TRUB1: variants seen among roughly 807,000 people sequenced by gnomAD.
TRUB1 encodes pseudouridylate synthase TRUB1.
A neutral mutation model predicts 33.9 loss-of-function variants in TRUB1; 23 were observed. That is an observed-to-expected ratio of 0.68 (90% CI 0.49 to 0.96). The LOEUF (loss-of-function observed/expected upper bound fraction) is 0.96, where lower values mean the gene tolerates loss of function less well. Ranked by LOEUF, TRUB1 falls within the 40% of genes least tolerant of loss-of-function variation. The pLI is 0.00. For synonymous variants in TRUB1, 163 were observed against 165.4 expected, an observed-to-expected ratio of 0.99 and a Z score of 0.11; for missense variants, 378 against 422.2, an observed-to-expected ratio of 0.90 and a Z score of 0.92.
chr10:114,959,096 A>G (rs1392215528), intron 3 of TRUB1, among the ~76,000 whole-genome samples: 2 of 152,218 alleles, frequency 1.3e-5, no homozygotes, highest in Non-Finnish European at 1.5e-5. Context: ...AGATCGCACC[A>G]CTGCACTGCA....
At chr10:114,968,179 C>G (rs1399816355) in intron 4 of TRUB1, among the ~76,000 whole-genome samples, 1 of 152,074 alleles carries the variant, frequency 6.6e-6, no homozygotes, top group Non-Finnish European at 1.5e-5. Context: ...GAGTGAACAG[C>G]ACAAACCACG....
chr10:114,952,839 A>G (rs977254716), intron 3 of TRUB1, among the ~76,000 whole-genome samples: 1 of 152,184 alleles, frequency 6.6e-6, no homozygotes, highest in Non-Finnish European at 1.5e-5. Context: ...GGTTTTTGCC[A>G]GTTGTTTAAT....
At chr10:114,948,720 A>T (rs773673626) in intron 2 of TRUB1, among the ~76,000 whole-genome samples, 1 of 152,150 alleles carries the variant, frequency 6.6e-6, no homozygotes, top group African/African-American at 2.4e-5. Flanking sequence ...TAACTCTAAG[A>T]TGGCTTCTTT....
intron 3 of TRUB1, among the ~76,000 whole-genome samples, chr10:114,959,525 G>T (rs1421378533): frequency 6.6e-6 from 1 of 152,148 alleles, no homozygotes; most frequent in African/African-American, 2.4e-5. Context: ...ATATTGGCTA[G>T]TGTGAGACGT....
chr10:114,968,009 T>C (rs1350355361), intron 4 of TRUB1, among the ~76,000 whole-genome samples: 2 of 152,196 alleles, frequency 1.3e-5, no homozygotes, highest in Non-Finnish European at 1.5e-5. Flanking sequence ...GCCATTTTAA[T>C]AGTGTATGTT....
chr10:114,945,075 T>G (rs894822226), intron 2 of TRUB1, among the ~76,000 whole-genome samples: 4 of 152,236 alleles, frequency 2.6e-5, no homozygotes, highest in Non-Finnish European at 4.4e-5. Context: ...TAATTCTCAT[T>G]GTAACCTATA....
intron 5 of TRUB1, 117 bp from the exon 6 acceptor site, chr10:114,972,018 C>A: frequency 8.7e-7 from 1 of 1,149,306 alleles, no homozygotes; most frequent in Non-Finnish European, 1.2e-6. Context: ...TTGTGAAGCA[C>A]TGCCAGTCAT....
intron 1 of TRUB1, among the ~76,000 whole-genome samples, chr10:114,940,912 G>A (rs1299061079): frequency 1.3e-5 from 2 of 152,152 alleles, no homozygotes; most frequent in East Asian, 3.9e-4. Context: ...TCTAAGTATG[G>A]TGATGTCATA....
At chr10:114,951,762 C>G (rs1296494484) in intron 3 of TRUB1, among the ~76,000 whole-genome samples, 1 of 152,058 alleles carries the variant, frequency 6.6e-6, no homozygotes, top group African/African-American at 2.4e-5. Flanking sequence ...TATCTGTATC[C>G]TAATGAGTAA....
intron 1 of TRUB1, among the ~76,000 whole-genome samples, chr10:114,939,821 CTTTTCT>C (rs1564696404): frequency 1.9e-5 from 2 of 103,480 alleles, no homozygotes; most frequent in African/African-American, 4.4e-5. Flanking sequence ...CTCTGGGTTT[CTTTTCT>C]TTTTTTTTTT....
chr10:114,960,357 T>C (rs1468728684), intron 4 of TRUB1, among the ~76,000 whole-genome samples: 4 of 152,162 alleles, frequency 2.6e-5, no homozygotes, highest in African/African-American at 9.7e-5. Context: ...TAAGGAAGAA[T>C]AGATAAATTA....
At position 114,959,710 on chromosome 10, in the gene TRUB1, G is replaced by A. The variant is rs1300488082; in HGVS notation, c.442-16G>A. The A allele has an allele frequency of 1.3e-6, 2 of 1,577,684 alleles. No homozygotes were observed. Among genetic ancestry groups the A allele is most frequent in the African/African-American group, 1.4e-5 (1 of 73,844 alleles). On this transcript the variant is annotated splice_polypyrimidine_tract_variant and intron_variant, in intron 3 of 7. Transcript: ENST00000298746. ...TGCCTCACGGCCCATTTTCTCTCTTGTTTCCCTTCCTCTAGAGATATACTG... is the reference window on the plus strand; with the variant it reads ...TGCCTCACGGCCCATTTTCTCTCTTATTTCCCTTCCTCTAGAGATATACTG...
intron 4 of TRUB1, among the ~76,000 whole-genome samples, chr10:114,961,180 T>G (rs1263865847): frequency 6.6e-6 from 1 of 151,980 alleles, no homozygotes; most frequent in Non-Finnish European, 1.5e-5. Flanking sequence ...GAGGATTGAT[T>G]GGAGGAGAAT....
Position 114,942,703 on chromosome 10 carries a change from G to A in TRUB1, c.345G>A (p.Gly115=), listed in dbSNP as rs150643238. ...TKRKKQTLKI[G]HGGTLDSAAR... is the part of the protein sequence containing the mutation. ...GGAAAAAGCAGACTTTGAAAATTGG[G>A]CATGGAGGGACTCTAGACAGCGCAG... The change falls in exon 2 of 8, where the codon GGG becomes GGA. Residue 115 remains glycine, a synonymous_variant. Coordinates refer to ENST00000298746, the MANE Select transcript of TRUB1 (RefSeq NM_139169.5). 1.3e-4 allele frequency: 204 copies of A among 1,614,024 alleles called. No homozygotes were observed. The African/African-American group carries it at 2.3e-3, about 18-fold the overall frequency.
chr10:114,964,108 T>C (rs1260649021), intron 4 of TRUB1, among the ~76,000 whole-genome samples: 2 of 152,218 alleles, frequency 1.3e-5, no homozygotes, highest in African/African-American at 4.8e-5. Context: ...ACTTTGCATT[T>C]CCACTAGGAG....
At chr10:114,969,080 A>G (rs535549218) in intron 4 of TRUB1, among the ~76,000 whole-genome samples, 1 of 151,760 alleles carries the variant, frequency 6.6e-6, no homozygotes. Flanking sequence ...TCAGTATATC[A>G]TAGATTTTAG....
chr10:114,952,872 A>G (rs778792924), intron 3 of TRUB1, among the ~76,000 whole-genome samples: 8 of 152,158 alleles, frequency 5.3e-5, no homozygotes, highest in Non-Finnish European at 1.2e-4. Flanking sequence ...ACTCCCAAAG[A>G]TGAACAATGT....
Position 114,975,472 on chromosome 10 carries a change from T to G in TRUB1, c.*93T>G. 1.6e-6 allele frequency: 2 copies of G among 1,277,116 alleles called. No individual in the cohort carries two copies. Among genetic ancestry groups the G allele is most frequent in the Non-Finnish European group, 1.0e-6 (1 of 955,694 alleles). 79.1% of individuals were successfully genotyped at this position (1,277,116 alleles called of 1,614,324 possible). ...AGCTGCATTCAAAAGACAAACAATATGTCTTTTTTTTTTTTGCATGAAGAA... is the reference window on the plus strand; with the variant it reads ...AGCTGCATTCAAAAGACAAACAATAGGTCTTTTTTTTTTTTGCATGAAGAA... On this transcript the variant is annotated 3_prime_UTR_variant, in exon 8 of 8. Transcript: ENST00000298746.
intron 1 of TRUB1, among the ~76,000 whole-genome samples, chr10:114,939,311 T>C (rs931222946): frequency 1.1e-4 from 17 of 152,212 alleles, no homozygotes; most frequent in African/African-American, 4.1e-4. Flanking sequence ...ATTGGACATA[T>C]ACAATAAGCC....
Sources: allele counts gnomAD v4.1 joint callset (sites outside exome capture counted in the v4.1 genomes callset), GRCh38; gene constraint gnomAD v4.1.1; transcripts MANE v1.5; gene names NCBI Gene and HGNC (gene_info 2026-07-23, HGNC 2026-07-21).